DKK4: variants seen among roughly 807,000 people sequenced by gnomAD.
The protein encoded by DKK4 is dickkopf-related protein 4.
A neutral mutation model predicts 14.5 loss-of-function variants in DKK4; 15 were observed. The observed-to-expected ratio is 1.03, with a 90% CI of 0.69 to 1.59. The LOEUF is 1.59. Among genes scored for constraint, DKK4 ranks in the 40% most tolerant of loss-of-function variants. The probability of loss-of-function intolerance (pLI) is 0.00; values close to 1 mark genes in which losing one functional copy is unlikely to be tolerated. For synonymous variants in DKK4, 89 were observed against 105.2 expected, an observed-to-expected ratio of 0.85 and a Z score of 0.94; for missense variants, 272 against 280.3, an observed-to-expected ratio of 0.97 and a Z score of 0.21.
the DKK4 span, among the ~76,000 whole-genome samples, chr8:42,389,177 C>T: frequency 6.6e-6 from 1 of 152,202 alleles, no homozygotes; most frequent in Non-Finnish European, 1.5e-5. Context: ...CTCCTGGGCT[C>T]AAGCAATCCA....
chr8:42,384,800 T>C, the DKK4 span, among the ~76,000 whole-genome samples: 9 of 152,202 alleles, frequency 5.9e-5, no homozygotes, highest in Admixed American at 5.2e-4. Context: ...GTTCATTCTT[T>C]CCTCTATGCC....
chr8:42,383,658 G>T, the DKK4 span, among the ~76,000 whole-genome samples: 1 of 152,164 alleles, frequency 6.6e-6, no homozygotes, highest in Admixed American at 6.5e-5. Flanking sequence ...ATAAAATCAG[G>T]TTGGCCGGGC....
In DKK4 at chr8:42,375,613, AT is replaced by A. The variant is rs1265029687; in HGVS notation, c.262+66del. 2.5e-6 allele frequency: 4 copies of A among 1,588,486 alleles called. No individual in the cohort carries two copies. In the African/African-American group the frequency reaches 4.0e-5, roughly 16 times the overall value. ...CATTAGAGAGTGCCTACCCTGGAAT[AT>A]TCTAGTCTATGGGGCTTAGACACTA... On this transcript the variant is annotated intron_variant, in intron 2 of 3. Coordinates refer to ENST00000220812, the MANE Select transcript of DKK4 (RefSeq NM_014420.3).
upstream of DKK4, among the ~76,000 whole-genome samples, chr8:42,379,336 C>T (rs1463229230): frequency 9.1e-6 from 1 of 109,350 alleles, no homozygotes; most frequent in Non-Finnish European, 1.8e-5. Flanking sequence ...ATCATTTAAG[C>T]CCAGGAGATT....
At chr8:42,380,310 G>A (rs1052372514), upstream of DKK4, among the ~76,000 whole-genome samples, 1 of 151,794 alleles carries the variant, frequency 6.6e-6, no homozygotes, top group African/African-American at 2.4e-5. Context: ...GGGTGACAGA[G>A]CGAGACCCTG....
upstream of DKK4, among the ~76,000 whole-genome samples, chr8:42,378,738 G>A (rs571276914): frequency 4.6e-5 from 7 of 151,984 alleles, no homozygotes; most frequent in South Asian, 1.3e-3. Flanking sequence ...CCTGTAACAC[G>A]GCACAAACAG....
At chr8:42,374,938 G>C (rs757597200) in intron 2 of DKK4, 25 bp from the exon 3 acceptor site, 2 of 1,613,258 alleles carry the variant, frequency 1.2e-6, no homozygotes, top group East Asian at 4.5e-5. Flanking sequence ...GGTGTAACTA[G>C]AATTATTAAC....
rs1470489130 is a variant in DKK4 at position 42,377,017 on chromosome 8, C to T, written c.29G>A (p.Ser10Asn). The change falls in exon 1 of 4, where the codon AGC (serine) becomes AAC (asparagine). Residue 10 changes from serine (S) to asparagine (N), a missense_variant. Physicochemically the swap from Ser to Asn is conservative, Grantham distance 46. Transcript: ENST00000220812. Reference protein sequence around the residue: MVAAVLLGLSWLCSPLGALV... With the variant: MVAAVLLGLNWLCSPLGALV... ...AGCTCCCAGGGGAGAGCAGAGCCAGCTCAGCCCCAGCAGGACGGCCGCCAC... is the reference window on the plus strand; with the variant it reads ...AGCTCCCAGGGGAGAGCAGAGCCAGTTCAGCCCCAGCAGGACGGCCGCCAC... The T allele has an allele frequency of 1.2e-6, 2 of 1,613,426 alleles. No individual in the cohort carries two copies. Among genetic ancestry groups the T allele is most frequent in the Admixed American group, 3.3e-5 (2 of 60,008 alleles).
chr8:42,382,173 A>C (rs1251285498), upstream of DKK4, among the ~76,000 whole-genome samples: 1 of 152,170 alleles, frequency 6.6e-6, no homozygotes, highest in Non-Finnish European at 1.5e-5. Context: ...CTCATTTTGC[A>C]ATAAGACTAG....
Position 42,375,708 on chromosome 8 carries a change from C to T in DKK4, c.234G>A (p.Met78Ile). The part of the protein sequence containing the change: ...GLRRRCQRDA[M>I]CCPGTLCVND... The stretch of plus-strand genomic sequence containing the variant: ...TCACACAGAGTGTCCCAGGGCAGCA[C>T]ATGGCATCTCGCTGGCACCTCCTCC... The change falls in exon 2 of 4, where the codon ATG becomes ATA. Residue 78 changes from methionine (M) to isoleucine (I), a missense_variant. By Grantham distance (10) the Met-to-Ile change is conservative. Transcript: ENST00000220812. 1 of 1,613,710 alleles carries T rather than the reference C, an allele frequency of 6.2e-7. No individual in the cohort carries two copies. The highest frequency in any genetic ancestry group is 8.5e-7 in the Non-Finnish European group (1 of 1,180,024).
At chr8:42,384,633 C>T in the DKK4 span, among the ~76,000 whole-genome samples, 1 of 152,120 alleles carries the variant, frequency 6.6e-6, no homozygotes, top group African/African-American at 2.4e-5. Flanking sequence ...GCTGAAGCCT[C>T]TCTCTTGGGG....
chr8:42,381,451 G>C (rs187040876), upstream of DKK4, among the ~76,000 whole-genome samples: 66 of 152,300 alleles, frequency 4.3e-4, no homozygotes, highest in Non-Finnish European at 4.0e-4. Context: ...AGAGGAGTGG[G>C]TGCAAGCACC....
upstream of DKK4, among the ~76,000 whole-genome samples, chr8:42,381,190 G>A (rs939445607): frequency 9.9e-5 from 15 of 151,912 alleles, no homozygotes; most frequent in African/African-American, 2.7e-4. Context: ...ACTGGATGTG[G>A]GAGTGGGGAG....
chr8:42,382,494 G>A, the DKK4 span, among the ~76,000 whole-genome samples: 411 of 152,290 alleles, frequency 2.7e-3, 3 homozygotes, highest in Non-Finnish European at 5.1e-3. Context: ...TTGCTCTTAG[G>A]TCAGACCACA....
chr8:42,379,378 TAGAGAGAGAGAGAG>T (rs537441477), upstream of DKK4, among the ~76,000 whole-genome samples: 216 of 34,518 alleles, frequency 6.3e-3, 7 homozygotes, highest in African/African-American at 0.019. Flanking sequence ...TATATATATA[TAGAGAGAGAGAGAG>T]AGAGAGAGAG....
rs1316071710 is a variant in DKK4 at position 42,375,957 on chromosome 8, C to A, written c.112-127G>T. ...CGCTGTGACAAACCCTGGGCAGCAT[C>A]TTACTCTCCAGTGGAAATGGTTTTC... is the stretch of plus-strand genomic sequence containing the variant. On this transcript the variant is annotated intron_variant, in intron 1 of 3. Transcript: ENST00000220812. 5.7e-6 allele frequency: 7 copies of A among 1,237,818 alleles called. No homozygotes were observed. In the East Asian group the frequency reaches 1.8e-4, roughly 32 times the overall value. 76.7% of individuals were successfully genotyped at this position (1,237,818 alleles called of 1,614,324 possible).
chr8:42,379,408 GA>G (rs1563415748), upstream of DKK4, among the ~76,000 whole-genome samples: 15 of 131,054 alleles, frequency 1.1e-4, no homozygotes, highest in African/African-American at 3.6e-4. Flanking sequence ...GAGAGAGAGA[GA>G]GAGAGAGAGA....
chr8:42,388,463 C>T, the DKK4 span, among the ~76,000 whole-genome samples: 4 of 149,238 alleles, frequency 2.7e-5, no homozygotes, highest in Non-Finnish European at 5.9e-5. Context: ...CTCCTTATCT[C>T]GGGTGATCCA....
chr8:42,384,355 C>A, the DKK4 span, among the ~76,000 whole-genome samples: 1 of 152,194 alleles, frequency 6.6e-6, no homozygotes, highest in Non-Finnish European at 1.5e-5. Context: ...GTTGCCCAGG[C>A]TGGTCTTGAA....
Sources: allele counts gnomAD v4.1 joint callset (sites outside exome capture counted in the v4.1 genomes callset), GRCh38; gene constraint gnomAD v4.1.1; transcripts MANE v1.5; gene names NCBI Gene and HGNC (gene_info 2026-07-23, HGNC 2026-07-21).